Variants in CPS1 observed in about 807,000 individuals in gnomAD.
The protein encoded by CPS1 is carbamoyl-phosphate synthase [ammonia], mitochondrial.
CPS1 carries 109 observed loss-of-function variants against 174.6 expected under a neutral mutation model. The ratio of observed to expected loss-of-function variants is 0.62; its 90% CI spans 0.53 to 0.73. The LOEUF is 0.73. Ranked by LOEUF, CPS1 falls within the 30% of genes least tolerant of loss-of-function variation. The pLI is 0.00. For missense variants in CPS1, 1,689 were observed against 1,821.9 expected, an observed-to-expected ratio of 0.93 and a Z score of 1.33; for synonymous variants, 637 against 632.0, an observed-to-expected ratio of 1.01 and a Z score of -0.12.
intron 21 of CPS1, among the ~76,000 whole-genome samples, chr2:210,634,188 T>C (rs13017275): frequency 0.095 from 14,493 of 152,230 alleles, 710 homozygotes; most frequent in Non-Finnish European, 0.1. Context: ...CCCAGCACTT[T>C]GGGAGGCCGA....
chr2:210,547,759 GGTTT>G (rs1696602113), intron 1 of CPS1, among the ~76,000 whole-genome samples: 1 of 151,928 alleles, frequency 6.6e-6, no homozygotes, highest in Non-Finnish European at 1.5e-5. Context: ...TTTATTTAAA[GGTTT>G]ATTAGTGAAT....
chr2:210,480,093 AT>A (rs1694518550), intron 1 of CPS1, among the ~76,000 whole-genome samples: 1 of 152,172 alleles, frequency 6.6e-6, no homozygotes, highest in African/African-American at 2.4e-5. Context: ...TTCAGATTAG[AT>A]TTGCTCCATG....
intron 5 of CPS1, among the ~76,000 whole-genome samples, chr2:210,581,422 A>G (rs749639251): frequency 6.6e-6 from 1 of 152,166 alleles, no homozygotes; most frequent in Non-Finnish European, 1.5e-5. Flanking sequence ...TTTCTTTATC[A>G]GTGATGGTGG....
Position 210,639,207 on chromosome 2 carries a change from A to G in CPS1, c.2887A>G (p.Asn963Asp), listed in dbSNP as rs777684462. The G allele has an allele frequency of 2.5e-6, 4 of 1,612,226 alleles. No homozygotes were observed. Among genetic ancestry groups the G allele is most frequent in the Non-Finnish European group, 3.4e-6 (4 of 1,178,426 alleles). Residue 963 changes from asparagine to aspartate, a missense_variant, in exon 23 of 38, where the codon AAT becomes GAT. Transcript: ENST00000233072. ...AACAAACTATCTCTATGTTACCTACAATGGTCAGGTAGGAATGGGCAAATT... is the reference window on the plus strand; with the variant it reads ...AACAAACTATCTCTATGTTACCTACGATGGTCAGGTAGGAATGGGCAAATT... ...SVTNYLYVTY[N>D]GQEHDVNFDD...
intron 32 of CPS1, 35 bp from the exon 33 acceptor site, chr2:210,663,088 A>G (rs1423624124): frequency 1.3e-6 from 2 of 1,555,052 alleles, no homozygotes; most frequent in Non-Finnish European, 1.7e-6. Flanking sequence ...TTTCCCTCAC[A>G]TAATTTTTCT....
At position 210,637,858 on chromosome 2, in the gene CPS1, C is replaced by A. The variant is rs1221484568; in HGVS notation, c.2829+15C>A. On this transcript the variant is annotated intron_variant, in intron 22 of 37. Coordinates refer to ENST00000233072, the MANE Select transcript of CPS1 (RefSeq NM_001875.5). ...GGGTTAAACAGGTAAAGGAGTTTCC[C>A]TTTTCCCCCATCCCCCACTGACAGG... 6.2e-7 allele frequency: 1 copy of A among 1,613,616 alleles called. No individual in the cohort carries two copies. Among genetic ancestry groups the A allele is most frequent in the Admixed American group, 1.7e-5 (1 of 60,014 alleles).
At chr2:210,501,236 G>T (rs1046094800) in intron 1 of CPS1, among the ~76,000 whole-genome samples, 7 of 152,076 alleles carry the variant, frequency 4.6e-5, no homozygotes, top group African/African-American at 1.7e-4. Flanking sequence ...CTGCCATGAA[G>T]GTCACTGACA....
At chr2:210,495,788 T>C (rs1023814454) in intron 1 of CPS1, among the ~76,000 whole-genome samples, 1 of 152,198 alleles carries the variant, frequency 6.6e-6, no homozygotes, top group Non-Finnish European at 1.5e-5. Flanking sequence ...ATGTTTGCTT[T>C]GCCATTTCTC....
At chr2:210,572,033 ACACTT>A (rs1378637333) in intron 1 of CPS1, among the ~76,000 whole-genome samples, 1 of 151,818 alleles carries the variant, frequency 6.6e-6, no homozygotes, top group Non-Finnish European at 1.5e-5. Context: ...TTCGATGACT[ACACTT>A]AAACCTTGCA....
rs1349980070 is a variant in CPS1 at position 210,594,496 on chromosome 2, A to AT, written c.1165-5dup. On this transcript the variant is annotated splice_polypyrimidine_tract_variant and intron_variant, in intron 11 of 37. Coordinates refer to ENST00000233072, the MANE Select transcript of CPS1 (RefSeq NM_001875.5). ...TTGAAGCTTCTAACTAGTTGGTTGT[A>AT]TTTTTTTCTAGTACCTGTTTGATTC... The AT allele has an allele frequency of 2.5e-6, 4 of 1,592,308 alleles. No individual in the cohort carries two copies. The highest frequency in any genetic ancestry group is 3.4e-6 in the Non-Finnish European group (4 of 1,161,850).
At chr2:210,479,719 G>A (rs1356642896) in intron 1 of CPS1, among the ~76,000 whole-genome samples, 1 of 152,182 alleles carries the variant, frequency 6.6e-6, no homozygotes, top group Admixed American at 6.5e-5. Context: ...TGTGGCTATG[G>A]TGGCTGAACA....
At position 210,536,009 on chromosome 2, in the gene CPS1, G is replaced by A. The variant is rs1696241880; in HGVS notation, c.4-20710G>A. ...TCAGATGAGAAAACTTATTTGGAGA[G>A]ATTACATCCAGATGCACTCAGCTCA... On this transcript the variant is annotated intron_variant, in intron 1 of 38. Coordinates refer to the CPS1 transcript ENST00000430249. 2.0e-5 allele frequency among the ~76,000 whole-genome samples: 3 copies of A among 151,954 alleles called. No homozygotes were observed. The South Asian group carries it at 6.2e-4, about 31-fold the overall frequency.
At chr2:210,555,214 C>T (rs994319926), upstream of CPS1, among the ~76,000 whole-genome samples, 8 of 152,002 alleles carry the variant, frequency 5.3e-5, no homozygotes, top group African/African-American at 1.4e-4. Context: ...GCTCATGCCA[C>T]GGCATCCCTT....
chr2:210,590,742 A>G (rs1698265233), intron 8 of CPS1, 58 bp from the exon 9 acceptor site: 1 of 1,364,850 alleles, frequency 7.3e-7, no homozygotes, highest in Non-Finnish European at 1.0e-6. Context: ...TTGTTCATTC[A>G]GAAGCAACAT....
intron 1 of CPS1, among the ~76,000 whole-genome samples, chr2:210,558,350 A>G (rs1338966293): frequency 1.3e-5 from 2 of 152,072 alleles, no homozygotes; most frequent in Admixed American, 1.3e-4. Flanking sequence ...TAGTGGCATT[A>G]TGTCTAGTTA....
chr2:210,479,624 A>G (rs1041167603), intron 1 of CPS1, among the ~76,000 whole-genome samples: 1 of 152,180 alleles, frequency 6.6e-6, no homozygotes, highest in East Asian at 1.9e-4. Flanking sequence ...CAGCAGCCAC[A>G]TGCTGAGATA....
chr2:210,555,874 A>T (rs1222040156), upstream of CPS1, among the ~76,000 whole-genome samples: 1 of 152,046 alleles, frequency 6.6e-6, no homozygotes, highest in African/African-American at 2.4e-5. Context: ...AATTTTATAT[A>T]TAACATTTTA....
At chr2:210,555,234 T>C (rs1696875270), upstream of CPS1, among the ~76,000 whole-genome samples, 1 of 152,058 alleles carries the variant, frequency 6.6e-6, no homozygotes, top group Non-Finnish European at 1.5e-5. Flanking sequence ...TCTGGGTTTT[T>C]TCCCCTCTTT....
upstream of CPS1, among the ~76,000 whole-genome samples, chr2:210,553,208 A>C (rs140600663): frequency 1.3e-5 from 2 of 151,840 alleles, no homozygotes; most frequent in Non-Finnish European, 2.9e-5. Flanking sequence ...GGCAATTTTC[A>C]AAACTATGTT....
Sources: allele counts gnomAD v4.1 joint callset (sites outside exome capture counted in the v4.1 genomes callset), GRCh38; gene constraint gnomAD v4.1.1; transcripts MANE v1.5; gene names NCBI Gene and HGNC (gene_info 2026-07-23, HGNC 2026-07-21).